Variants in SUMF1 observed in about 807,000 individuals in gnomAD.
The protein encoded by SUMF1 is formylglycine-generating enzyme.
SUMF1 carries 48 observed loss-of-function variants against 47.6 expected under a neutral mutation model. That is an observed-to-expected ratio of 1.01 (90% CI 0.80 to 1.28). The LOEUF is 1.28. SUMF1 is among the 50% of genes most tolerant of loss of function. The pLI, the probability that SUMF1 is intolerant of heterozygous loss-of-function variation, is 0.00. For missense variants in SUMF1, 571 were observed against 485.4 expected (o/e 1.18, Z -1.66); for synonymous variants, 230 against 192.1 (o/e 1.20, Z -1.63).
intron 8 of SUMF1, among the ~76,000 whole-genome samples, chr3:4,193,656 G>A (rs536148157): frequency 4.7e-4 from 72 of 152,240 alleles, no homozygotes; most frequent in African/African-American, 1.6e-3. Context: ...TAAAAGTAAT[G>A]CAGTTACTAT....
intron 8 of SUMF1, among the ~76,000 whole-genome samples, chr3:4,086,229 A>C (rs1299667764): frequency 2.6e-5 from 4 of 151,852 alleles, no homozygotes; most frequent in Non-Finnish European, 4.4e-5. Flanking sequence ...AAAAAAAAAA[A>C]CAGAATTATT....
At chr3:4,201,734 G>A (rs1235262511) in intron 8 of SUMF1, among the ~76,000 whole-genome samples, 1 of 151,986 alleles carries the variant, frequency 6.6e-6, no homozygotes, top group East Asian at 1.9e-4. Context: ...TTTTCATAGT[G>A]ACTGTACTAA....
chr3:4,191,200 T>G (rs1014290024), intron 8 of SUMF1, among the ~76,000 whole-genome samples: 1 of 152,076 alleles, frequency 6.6e-6, no homozygotes, highest in African/African-American at 2.4e-5. Context: ...AAGCCAACTG[T>G]TTTTACTTGG....
At chr3:4,318,458 G>C (rs1698742732) in intron 8 of SUMF1, among the ~76,000 whole-genome samples, 1 of 152,140 alleles carries the variant, frequency 6.6e-6, no homozygotes, top group Admixed American at 6.6e-5. Flanking sequence ...CCTGAGAAAG[G>C]ATATCTATGA....
intron 8 of SUMF1, among the ~76,000 whole-genome samples, chr3:4,286,875 G>A (rs777932317): frequency 6.6e-6 from 1 of 152,084 alleles, no homozygotes; most frequent in Non-Finnish European, 1.5e-5. Context: ...AATGCAATGG[G>A]TGTATCACTG....
chr3:4,097,698 T>G (rs1692937736), intron 8 of SUMF1, among the ~76,000 whole-genome samples: 1 of 152,170 alleles, frequency 6.6e-6, no homozygotes, highest in Non-Finnish European at 1.5e-5. Context: ...GTAAAGACTC[T>G]CCAGGACAAT....
chr3:4,126,675 G>C (rs1693661392), intron 8 of SUMF1, among the ~76,000 whole-genome samples: 1 of 152,142 alleles, frequency 6.6e-6, no homozygotes, highest in Non-Finnish European at 1.5e-5. Context: ...AAAACTGGCA[G>C]TGGAAGGGGT....
intron 8 of SUMF1, among the ~76,000 whole-genome samples, chr3:4,352,998 G>T (rs944119749): frequency 6.6e-6 from 1 of 152,182 alleles, no homozygotes; most frequent in Non-Finnish European, 1.5e-5. Flanking sequence ...TCTCCTAGAT[G>T]AACAGCTCTC....
chr3:4,299,499 T>C (rs1289720819), intron 8 of SUMF1, among the ~76,000 whole-genome samples: 1 of 152,250 alleles, frequency 6.6e-6, no homozygotes, highest in East Asian at 1.9e-4. Context: ...AATGAATTTA[T>C]ACATATCAAA....
rs138220342 is a variant in SUMF1, at chr3:4,070,646, T to C, written c.1015-1901A>G. 1.4e-3 allele frequency among the ~76,000 whole-genome samples: 209 copies of C among 151,408 alleles called. 2 individuals are homozygous for C. In the East Asian group the frequency reaches 0.032, roughly 23 times the overall value. ...TTCAGTCCTTTCTTTTTCTTTTTTC[T>C]TTTTTTTTAGGCAGAGTCTCACTCT... is the stretch of plus-strand genomic sequence containing the variant. On this transcript the variant is annotated intron_variant and NMD_transcript_variant, in intron 8 of 12. Transcript: ENST00000448413.
At chr3:4,117,621 C>T (rs1011511598) in intron 8 of SUMF1, among the ~76,000 whole-genome samples, 1 of 152,074 alleles carries the variant, frequency 6.6e-6, no homozygotes, top group African/African-American at 2.4e-5. Context: ...TTCACCACCT[C>T]TCTGAGTTTT....
intron 8 of SUMF1, among the ~76,000 whole-genome samples, chr3:4,187,365 T>G (rs1250697816): frequency 2.0e-5 from 3 of 152,094 alleles, no homozygotes. Flanking sequence ...TGAGACCCTG[T>G]CTATAAAAAA....
At chr3:4,109,522 T>C (rs1187261637) in intron 8 of SUMF1, among the ~76,000 whole-genome samples, 2 of 152,172 alleles carry the variant, frequency 1.3e-5, no homozygotes, top group African/African-American at 2.4e-5. Context: ...CAGAGTGTTT[T>C]CCAACTTGGT....
At chr3:4,253,505 G>T (rs559348726) in intron 8 of SUMF1, among the ~76,000 whole-genome samples, 48 of 151,884 alleles carry the variant, frequency 3.2e-4, no homozygotes, top group Non-Finnish European at 5.6e-4. Flanking sequence ...GGTGACGGAC[G>T]CACCTGGAAA....
chr3:4,318,726 G>A (rs147586877), intron 8 of SUMF1, among the ~76,000 whole-genome samples: 1,631 of 152,238 alleles, frequency 0.011, 18 homozygotes, highest in African/African-American at 0.036. Flanking sequence ...TGGCCAATAT[G>A]GCAAAACCCT....
intron 9 of SUMF1, among the ~76,000 whole-genome samples, chr3:4,058,317 T>C (rs1235279327): frequency 6.6e-6 from 1 of 152,152 alleles, no homozygotes; most frequent in African/African-American, 2.4e-5. Flanking sequence ...CCCACATCCA[T>C]TCTACAGGGT....
chr3:4,344,954 T>C (rs954022921), intron 8 of SUMF1, among the ~76,000 whole-genome samples: 1 of 151,692 alleles, frequency 6.6e-6, no homozygotes, highest in East Asian at 1.9e-4. Context: ...ACCACCTTAC[T>C]GAAATAAGAC....
At chr3:4,227,315 G>T (rs1696195130) in intron 8 of SUMF1, among the ~76,000 whole-genome samples, 4 of 152,102 alleles carry the variant, frequency 2.6e-5, no homozygotes, top group Admixed American at 2.6e-4. Flanking sequence ...ACTGCAGAAT[G>T]GATCGCCACC....
chr3:4,080,747 AT>A (rs1222782024), intron 8 of SUMF1, among the ~76,000 whole-genome samples: 1 of 152,172 alleles, frequency 6.6e-6, no homozygotes, highest in East Asian at 1.9e-4. Flanking sequence ...TTGTATAAAT[AT>A]TTTAAAGGTT....
Sources: allele counts gnomAD v4.1 joint callset (sites outside exome capture counted in the v4.1 genomes callset), GRCh38; gene constraint gnomAD v4.1.1; transcripts MANE v1.5; gene names NCBI Gene and HGNC (gene_info 2026-07-23, HGNC 2026-07-21).